MICAL3: variants seen among roughly 807,000 people sequenced by gnomAD.
MICAL3 encodes the protein [F-actin]-monooxygenase MICAL3.
MICAL3 carries 62 observed loss-of-function variants against 207.4 expected under a neutral mutation model. The observed-to-expected ratio is 0.30, with a 90% CI of 0.24 to 0.37. The LOEUF (loss-of-function observed/expected upper bound fraction) is 0.37, where lower values mean the gene tolerates loss of function less well. MICAL3 is among the 10% of genes least tolerant of loss of function. The pLI, the probability that MICAL3 is intolerant of heterozygous loss-of-function variation, is 1.00. For synonymous variants in MICAL3, 1,077 were observed against 1,069.3 expected (o/e 1.01, Z -0.14); for missense variants, 2,368 against 2,635.6 (o/e 0.90, Z 2.22).
chr22:17,790,415 A>C lies in MICAL3; in HGVS notation c.*317T>G. ...CTCTCTTACCAAATGTGCCAGTGGA[A>C]AAAAGGGGCACAGCCAGCACATCCT... On this transcript the variant is annotated 3_prime_UTR_variant, in exon 32 of 32. Transcript: ENST00000441493. 3.1e-6 allele frequency: 1 copy of C among 327,708 alleles called. No individual in the cohort carries two copies. The highest frequency in any genetic ancestry group is 5.7e-6 in the Non-Finnish European group (1 of 176,452). The allele number at this position is 327,708 out of a possible 1,614,324, so 20.3% of individuals were successfully genotyped here.
rs905073791 is a variant in MICAL3, at chr22:17,946,740, T to C, written c.-74-39854A>G. Among the ~76,000 whole-genome samples, 4 of 152,230 alleles carry C rather than the reference T, an allele frequency of 2.6e-5. No homozygotes were observed. In the South Asian group the frequency reaches 6.2e-4, roughly 24 times the overall value. On this transcript the variant is annotated intron_variant, in intron 1 of 31. Coordinates refer to ENST00000441493, the MANE Select transcript of MICAL3 (RefSeq NM_015241.3). ...GATGTTTAAGTGAGGGCTGATCTAT[T>C]TTCCCCTTCTCTGCTCCAAAGCCAT...
chr22:17,857,248 A>G (rs536984626), intron 19 of MICAL3, among the ~76,000 whole-genome samples: 2 of 152,322 alleles, frequency 1.3e-5, no homozygotes, highest in African/African-American at 4.8e-5. Context: ...TGAGTGTCAC[A>G]GCCTGAGCTC....
At chr22:17,808,145 G>A (rs867596454) in intron 29 of MICAL3, among the ~76,000 whole-genome samples, 3 of 152,242 alleles carry the variant, frequency 2.0e-5, no homozygotes, top group South Asian at 2.1e-4. Context: ...GAGCGCAGCC[G>A]CGCAGGTTCC....
At chr22:17,877,264 A>C (rs1479400106) in intron 16 of MICAL3, among the ~76,000 whole-genome samples, 2 of 83,376 alleles carry the variant, frequency 2.4e-5, no homozygotes, top group African/African-American at 7.4e-5. Context: ...GAGGTTAGGG[A>C]AGTTATGGAG....
intron 19 of MICAL3, among the ~76,000 whole-genome samples, chr22:17,853,342 T>A (rs1158932007): frequency 6.6e-6 from 1 of 152,186 alleles, no homozygotes; most frequent in Admixed American, 6.5e-5. Flanking sequence ...AGCTCTCACC[T>A]CTTCTGCTTC....
intron 1 of MICAL3, among the ~76,000 whole-genome samples, chr22:18,013,745 C>G (rs1923886494): frequency 6.6e-6 from 1 of 152,106 alleles, no homozygotes; most frequent in African/African-American, 2.4e-5. Flanking sequence ...CACTTTTAGT[C>G]CAAAGATTAC....
chr22:17,932,082 G>A (rs1056477836), intron 1 of MICAL3, among the ~76,000 whole-genome samples: 1 of 152,134 alleles, frequency 6.6e-6, no homozygotes, highest in African/African-American at 2.4e-5. Context: ...TGGTGACTTA[G>A]AATAGTAGGA....
At chr22:17,849,280 TGA>T (rs1924978297) in intron 19 of MICAL3, among the ~76,000 whole-genome samples, 1 of 152,236 alleles carries the variant, frequency 6.6e-6, no homozygotes, top group Admixed American at 6.5e-5. Flanking sequence ...AAGACTCACA[TGA>T]GCCAGAGCTA....
At position 17,947,375 on chromosome 22, in the gene MICAL3, G is replaced by A. The variant is rs139069706; in HGVS notation, c.-74-40489C>T. The stretch of plus-strand genomic sequence containing the variant: ...CCTTAAGGAAAGAGGAAAAGACCTC[G>A]GTGTCTGCCTTGCTCCAAACTCCAA... On this transcript the variant is annotated intron_variant, in intron 1 of 31. Transcript: ENST00000441493. Among the ~76,000 whole-genome samples, 18 of 152,288 alleles carry A rather than the reference G, an allele frequency of 1.2e-4. No homozygotes were observed. In the East Asian group the frequency reaches 3.3e-3, roughly 28 times the overall value.
intron 20 of MICAL3, among the ~76,000 whole-genome samples, chr22:17,838,744 C>T (rs1923673846): frequency 6.6e-6 from 1 of 152,156 alleles, no homozygotes; most frequent in African/African-American, 2.4e-5. Context: ...AATGAGAGTT[C>T]CTTGGCTGGA....
rs565667574 is a variant in MICAL3 at position 17,850,400 on chromosome 22, G to GTTTTTTTTTTT, written c.2606-8394_2606-8384dup. Among the ~76,000 whole-genome samples the GTTTTTTTTTTT allele has an allele frequency of 4.6e-4, 34 of 74,416 alleles. 4 individuals carry two copies. Among genetic ancestry groups the GTTTTTTTTTTT allele is most frequent in the Non-Finnish European group, 7.4e-4 (29 of 38,956 alleles). The allele number at this position is 74,416 out of a possible 152,430, so 48.8% of individuals were successfully genotyped here. ...CTGTGGAACTTTTGCTTTTGAATTAGTTTTTTTTTTTTTTTTTTTTTTTTT... is the reference window on the plus strand; with the variant it reads ...CTGTGGAACTTTTGCTTTTGAATTAGTTTTTTTTTTTTTTTTTTTTTTTTTTTTTTTTTTTT... On this transcript the variant is annotated intron_variant, in intron 19 of 31. Coordinates refer to ENST00000441493, the MANE Select transcript of MICAL3 (RefSeq NM_015241.3).
chr22:17,860,357 G>A (rs547012356), intron 19 of MICAL3: 32 of 985,280 alleles, frequency 3.2e-5, no homozygotes, highest in South Asian at 1.4e-4. Context: ...GAGAGAAGGC[G>A]GGCAGTAGAC....
chr22:17,863,206 A>G, intron 19 of MICAL3: 1 of 985,492 alleles, frequency 1.0e-6, no homozygotes, highest in Non-Finnish European at 1.2e-6. Flanking sequence ...TCATTCAGGA[A>G]TAACCTAAAC....
At chr22:17,910,255 C>A (rs561974219) in intron 1 of MICAL3, among the ~76,000 whole-genome samples, 1 of 152,260 alleles carries the variant, frequency 6.6e-6, no homozygotes, top group South Asian at 2.1e-4. Context: ...GTCTTGGGCA[C>A]TTATTTCCCA....
chr22:17,819,412 G>C (rs1462611548), intron 25 of MICAL3, among the ~76,000 whole-genome samples: 2 of 152,128 alleles, frequency 1.3e-5, no homozygotes, highest in Non-Finnish European at 2.9e-5. Context: ...CCACTCACAG[G>C]AACACTGGCC....
At chr22:17,956,596 G>A (rs1021827709) in intron 1 of MICAL3, among the ~76,000 whole-genome samples, 2 of 152,176 alleles carry the variant, frequency 1.3e-5, no homozygotes, top group Non-Finnish European at 2.9e-5. Context: ...TTGAACCTGG[G>A]AGGCAGAGGT....
chr22:18,020,805 T>C (rs1924421914), intron 1 of MICAL3, among the ~76,000 whole-genome samples: 1 of 151,482 alleles, frequency 6.6e-6, no homozygotes, highest in South Asian at 2.1e-4. Context: ...TCCCAGCTAC[T>C]TGGGAGGCTG....
chr22:17,905,201 G>A (rs74577606), intron 2 of MICAL3, among the ~76,000 whole-genome samples: 1,558 of 152,304 alleles, frequency 0.01, 24 homozygotes, highest in African/African-American at 0.035. Context: ...GGACCATTTC[G>A]AAGGTTTCTA....
chr22:17,808,590 A>T (rs1195578640), intron 29 of MICAL3, among the ~76,000 whole-genome samples: 1 of 152,194 alleles, frequency 6.6e-6, no homozygotes, highest in Non-Finnish European at 1.5e-5. Context: ...CGCCATCAGC[A>T]TGCCGGGGAC....
Sources: gnomAD v4.1 joint callset for allele counts (sites outside exome capture counted in the v4.1 genomes callset) on GRCh38, gnomAD v4.1.1 for gene constraint, MANE v1.5 for transcripts, NCBI Gene and HGNC (gene_info 2026-07-23, HGNC 2026-07-21) for gene names.